SYNE1: variants seen among roughly 807,000 people sequenced by gnomAD.
SYNE1 encodes the protein nesprin-1.
A neutral mutation model predicts 1,111.0 loss-of-function variants in SYNE1; 616 were observed. The ratio of observed to expected loss-of-function variants is 0.55; its 90% CI spans 0.52 to 0.59. The LOEUF (loss-of-function observed/expected upper bound fraction) is 0.59. SYNE1 is among the 20% of genes least tolerant of loss of function. The pLI is 0.00. For missense variants in SYNE1, 10,006 were observed against 10,417.0 expected (o/e 0.96, Z 1.72); for synonymous variants, 3,855 against 3,825.8 (o/e 1.01, Z -0.28).
In SYNE1 at chr6:152,122,519, C is replaced by T. The variant is rs1182754638; in HGVS notation, c.26311G>A (p.Asp8771Asn). The change falls in exon 146 of 146, where the codon GAC becomes AAC. Residue 8771 changes from aspartate (D) to asparagine (N), a missense_variant. This residue lies in a region of SYNE1 where 761 missense variants were observed against 795.5 expected (regional missense o/e 0.96). Transcript: ENST00000367255. ...LACLVPMSEE[D>N]YSCALSNNFA... is the part of the protein sequence containing the mutation. ...TTGTTGGAGAGGGCACAGCTGTAGTCTTCCTCTGACATTGGTACAAGGCAG... is the reference window on the plus strand; with the variant it reads ...TTGTTGGAGAGGGCACAGCTGTAGTTTTCCTCTGACATTGGTACAAGGCAG... 6.2e-7 allele frequency: 1 copy of T among 1,614,188 alleles called. No homozygotes were observed. The highest frequency in any genetic ancestry group is 8.5e-7 in the Non-Finnish European group (1 of 1,180,044).
chr6:152,495,476 C>T (rs1049972390), intron 11 of SYNE1, among the ~76,000 whole-genome samples: 3 of 152,196 alleles, frequency 2.0e-5, no homozygotes, highest in Non-Finnish European at 4.4e-5. Context: ...TTCAAAGAAT[C>T]AATATGTCAG....
At chr6:152,318,717 A>C (rs1233345865) in intron 85 of SYNE1, 146 bp downstream of exon 85, 1 of 791,664 alleles carries the variant, frequency 1.3e-6, no homozygotes, top group African/African-American at 1.7e-5. Flanking sequence ...GTGTTGCTTC[A>C]GTTACAAAAT....
intron 66 of SYNE1, 45 bp downstream of exon 66, chr6:152,358,328 A>T: frequency 3.1e-6 from 5 of 1,613,414 alleles, no homozygotes; most frequent in Non-Finnish European, 4.2e-6. Flanking sequence ...ATAATTCCAT[A>T]TTCAGAATGA....
At chr6:152,189,540 G>T in intron 127 of SYNE1, 133 bp from the exon 128 acceptor site, 1 of 770,448 alleles carries the variant, frequency 1.3e-6, no homozygotes, top group Non-Finnish European at 2.1e-6. Context: ...GGATCTAGAG[G>T]CACATCATGG....
rs752022778 is a variant in SYNE1 at position 152,156,833 on chromosome 6, C to CT, written c.23791-737dup. 1.5e-3 allele frequency among the ~76,000 whole-genome samples: 218 copies of CT among 145,976 alleles called. 1 individual carries two copies. The highest frequency in any genetic ancestry group is 2.3e-3 in the African/African-American group (92 of 40,036). Reference sequence around the variant, plus strand: ...CTGGGCTTTAAGATCCAAAGATTTACTTTTTTTTTTTTGGGATGGAGTCTC... The same window carrying CT: ...CTGGGCTTTAAGATCCAAAGATTTACTTTTTTTTTTTTTGGGATGGAGTCTC... On this transcript the variant is annotated intron_variant, in intron 131 of 145. Coordinates refer to ENST00000367255, the MANE Select transcript of SYNE1 (RefSeq NM_182961.4).
At chr6:152,324,864 G>GT (rs2096013489) in intron 81 of SYNE1, among the ~76,000 whole-genome samples, 1 of 152,206 alleles carries the variant, frequency 6.6e-6, no homozygotes, top group Non-Finnish European at 1.5e-5. Context: ...TAATTGCTTG[G>GT]TTTTTCTCAT....
intron 59 of SYNE1, among the ~76,000 whole-genome samples, chr6:152,372,223 A>C (rs1209218917): frequency 6.6e-6 from 1 of 152,214 alleles, no homozygotes; most frequent in Non-Finnish European, 1.5e-5. Context: ...AATGGTTATC[A>C]CTCTGTTAAA....
chr6:152,450,628 C>T lies in SYNE1; in HGVS notation c.3392G>A (p.Ser1131Asn). 1 of 1,613,926 alleles carries T rather than the reference C, an allele frequency of 6.2e-7. No homozygotes were observed. The highest frequency in any genetic ancestry group is 8.5e-7 in the Non-Finnish European group (1 of 1,179,842). Reference protein sequence around the residue: ...EDPDKWKDYTSRFSEFSSWIS... With the variant: ...EDPDKWKDYTNRFSEFSSWIS... ...CTGGAGGCCATTCTGAGGCTACCTG[C>T]TAGTGTAGTCCTTCCACTTGTCTGG... Residue 1131 changes from serine (S) to asparagine (N), a missense_variant, in exon 27 of 146, where the codon AGC (serine) becomes AAC (asparagine). This residue lies in a region of SYNE1 where 1,971 missense variants were observed against 2,084.1 expected (regional missense o/e 0.95). Coordinates refer to ENST00000367255, the MANE Select transcript of SYNE1 (RefSeq NM_182961.4).
At chr6:152,483,377 T>C in intron 13 of SYNE1, 128 bp from the exon 14 acceptor site, 1 of 830,900 alleles carries the variant, frequency 1.2e-6, no homozygotes, top group South Asian at 1.7e-5. Context: ...TTAATAAATA[T>C]CAAATAAGCA....
At chr6:152,145,308 A>G in intron 137 of SYNE1, 1 of 676,554 alleles carries the variant, frequency 1.5e-6, no homozygotes. Context: ...TCAATTAGTG[A>G]AATCTTATTC....
chr6:152,599,492 G>T (rs2128625004), intron 3 of SYNE1, among the ~76,000 whole-genome samples: 1 of 152,294 alleles, frequency 6.6e-6, no homozygotes, highest in South Asian at 2.1e-4. Flanking sequence ...AACAATAAAT[G>T]CTTGGAATTA....
chr6:152,406,988 G>A, intron 45 of SYNE1, 26 bp downstream of exon 45: 14 of 1,599,344 alleles, frequency 8.8e-6, no homozygotes, highest in Non-Finnish European at 1.2e-5. Context: ...GCCACCAGCT[G>A]CCATATGTCA....
chr6:152,622,462 CTA>C (rs2099677635), intron 3 of SYNE1, among the ~76,000 whole-genome samples: 1 of 152,098 alleles, frequency 6.6e-6, no homozygotes, highest in African/African-American at 2.4e-5. Context: ...TTGTTCCCCT[CTA>C]TGTGTCCATG....
chr6:152,630,109 AT>A (rs1366042786), intron 2 of SYNE1, among the ~76,000 whole-genome samples: 3 of 152,008 alleles, frequency 2.0e-5, no homozygotes. Context: ...AGCTAGTAAC[AT>A]GCTTTTTAGC....
At position 152,236,853 on chromosome 6, in the gene SYNE1, G is replaced by A. The variant is rs201221147; in HGVS notation, c.20163C>T (p.Asn6721=). 4.4e-5 allele frequency: 71 copies of A among 1,613,968 alleles called. No homozygotes were observed. The highest frequency in any genetic ancestry group is 3.3e-4 in the Middle Eastern group (2 of 6,084). The change falls in exon 109 of 146, where the codon AAC becomes AAT. Residue 6721 remains asparagine (N), a synonymous_variant. Coordinates refer to ENST00000367255, the MANE Select transcript of SYNE1 (RefSeq NM_182961.4). ...SIPSVGLVEE[N]EDRLIDRITL... ...TTATGCGGTCAATAAGCCTGTCCTC[G>A]TTCTCCTCCACCAGACCCACGCTTG... is the stretch of plus-strand genomic sequence containing the variant.
chr6:152,260,687 C>T (rs984832757), intron 101 of SYNE1, among the ~76,000 whole-genome samples: 2 of 151,108 alleles, frequency 1.3e-5, no homozygotes, highest in Non-Finnish European at 2.9e-5. Flanking sequence ...CTTTTTGGCA[C>T]CAGGGGTTGG....
intron 101 of SYNE1, 86 bp from the exon 102 acceptor site, chr6:152,256,851 C>T: frequency 1.9e-6 from 3 of 1,574,638 alleles, no homozygotes; most frequent in South Asian, 1.1e-5. Flanking sequence ...GAAATAGATG[C>T]TGAAAACACT....
chr6:152,578,072 T>C (rs184420118), intron 3 of SYNE1, among the ~76,000 whole-genome samples: 1 of 151,516 alleles, frequency 6.6e-6, no homozygotes, highest in African/African-American at 2.4e-5. Context: ...GCAAAAATGG[T>C]TTTTTTTGCT....
Position 152,362,321 on chromosome 6 carries a change from T to A in SYNE1, c.10148A>T (p.Gln3383Leu). ...CCACTTGGAGAGAGCTCCTTCGAGT[T>A]GGCTGAAAGGGATTTGAAAGGACAA... is the stretch of plus-strand genomic sequence containing the variant. ...LLSAGIRCKSQLEGALSKWTS... is the reference protein window; with the variant it reads ...LLSAGIRCKSLLEGALSKWTS... The change falls in exon 64 of 146, where the codon CAA becomes CTA. Residue 3383 changes from glutamine (Q) to leucine (L), a missense_variant and splice_region_variant. Physicochemically the swap from Gln to Leu is moderately radical, Grantham distance 113. Transcript: ENST00000367255. The A allele has an allele frequency of 6.2e-7, 1 of 1,614,206 alleles. No individual in the cohort carries two copies. The highest frequency in any genetic ancestry group is 8.5e-7 in the Non-Finnish European group (1 of 1,180,036).
Sources: gnomAD v4.1 joint callset for allele counts (sites outside exome capture counted in the v4.1 genomes callset) on GRCh38, gnomAD v4.1.1 for gene constraint, gnomAD v4.1.1 regional missense constraint, MANE v1.5 for transcripts, NCBI Gene and HGNC (gene_info 2026-07-23, HGNC 2026-07-21) for gene names.